The following MAK variants were observed in gnomAD, a reference collection of about 807,000 sequenced individuals.
MAK encodes the protein male germ cell associated kinase.
A neutral mutation model predicts 82.6 loss-of-function variants in MAK; 65 were observed. The observed-to-expected ratio is 0.79, with a 90% CI of 0.64 to 0.97. MAK has a LOEUF of 0.97. Among genes scored for constraint, MAK ranks in the 50% least tolerant of loss-of-function variants. The pLI is 0.00. For synonymous variants in MAK, 250 were observed against 274.2 expected, an observed-to-expected ratio of 0.91 and a Z score of 0.87; for missense variants, 703 against 780.2, an observed-to-expected ratio of 0.90 and a Z score of 1.18.
At chr6:10,795,962 A>T (rs771719424) in intron 9 of MAK, 36 bp downstream of exon 9, 26 of 1,599,356 alleles carry the variant, frequency 1.6e-5, no homozygotes, top group Non-Finnish European at 2.1e-5. Flanking sequence ...CACGAGTCAA[A>T]CTATTTCATT....
chr6:10,769,960 T>C (rs1216826543), intron 14 of MAK, 151 bp downstream of exon 14: 2 of 1,427,296 alleles, frequency 1.4e-6, no homozygotes, highest in African/African-American at 1.4e-5. Context: ...GGAAGAAAAA[T>C]AGGACATTTC....
intron 1 of MAK, among the ~76,000 whole-genome samples, chr6:10,835,912 G>A (rs1383656546): frequency 6.6e-6 from 1 of 152,182 alleles, no homozygotes; most frequent in South Asian, 2.1e-4. Context: ...ACCGCCCTGG[G>A]GTGGGAGGGT....
intron 10 of MAK, among the ~76,000 whole-genome samples, chr6:10,789,162 GAA>G (rs58231573): frequency 5.5e-4 from 44 of 80,016 alleles, no homozygotes; most frequent in Admixed American, 1.3e-3. Context: ...AAGCAAAAAA[GAA>G]AAAAAAAAAA....
intron 11 of MAK, among the ~76,000 whole-genome samples, chr6:10,781,238 T>G (rs1773941929): frequency 6.6e-6 from 1 of 152,164 alleles, no homozygotes; most frequent in Non-Finnish European, 1.5e-5. Context: ...GATTTCTCAT[T>G]CTGTGAGTGT....
chr6:10,782,580 T>C (rs1394846162), intron 11 of MAK, among the ~76,000 whole-genome samples: 1 of 144,132 alleles, frequency 6.9e-6, no homozygotes, highest in Non-Finnish European at 1.5e-5. Context: ...CAACTGGATT[T>C]TTTTTTTTTT....
At chr6:10,785,802 T>TA (rs1774485467) in intron 10 of MAK, among the ~76,000 whole-genome samples, 1 of 152,266 alleles carries the variant, frequency 6.6e-6, no homozygotes, top group Non-Finnish European at 1.5e-5. Flanking sequence ...TGTCATGTGT[T>TA]ATAGTCCTCT....
intron 10 of MAK, 34 bp from the exon 11 acceptor site, chr6:10,784,606 GAAC>G (rs765888182): frequency 9.9e-6 from 14 of 1,420,292 alleles, no homozygotes; most frequent in African/African-American, 6.0e-5. Flanking sequence ...ATTACAGCAC[GAAC>G]AACGAGAGGA....
chr6:10,804,709 CA>C (rs1472344718), intron 6 of MAK, among the ~76,000 whole-genome samples: 1 of 152,118 alleles, frequency 6.6e-6, no homozygotes, highest in African/African-American at 2.4e-5. Context: ...GAGTCCAACA[CA>C]AAGTCTGCTA....
intron 10 of MAK, chr6:10,785,031 G>A (rs1774415490): frequency 8.9e-6 from 4 of 449,980 alleles, no homozygotes; most frequent in East Asian, 7.0e-5. Context: ...ACAATTTCCC[G>A]TCACCCTAGT....
At chr6:10,768,287 T>C (rs1322293094) in intron 14 of MAK, among the ~76,000 whole-genome samples, 1 of 152,066 alleles carries the variant, frequency 6.6e-6, no homozygotes, top group African/African-American at 2.4e-5. Flanking sequence ...ATTAAAAATA[T>C]AAAATGTGGC....
intron 8 of MAK, among the ~76,000 whole-genome samples, chr6:10,798,825 T>TATTC: frequency 6.6e-6 from 1 of 151,138 alleles, no homozygotes; most frequent in East Asian, 1.9e-4. Context: ...TTTATTTATT[T>TATTC]ATTTATTTAT....
rs540110062 is a variant in MAK, at chr6:10,790,445, T to C, written c.1316+1230A>G. On this transcript the variant is annotated intron_variant, in intron 10 of 14. Coordinates refer to ENST00000354489, the MANE Select transcript of MAK (RefSeq NM_001242957.3). ...AAAAAAAGAAAGTATCTTTCCAAAA[T>C]ATTCACCAAAACTTAACCCATCCTA... 7.9e-5 allele frequency among the ~76,000 whole-genome samples: 12 copies of C among 152,128 alleles called. No individual in the cohort carries two copies. The South Asian group carries it at 1.5e-3, about 18-fold the overall frequency.
intron 2 of MAK, among the ~76,000 whole-genome samples, chr6:10,826,182 ACT>A (rs1461790571): frequency 6.7e-6 from 1 of 149,252 alleles, no homozygotes; most frequent in Non-Finnish European, 1.5e-5. Context: ...GCCCTCACAC[ACT>A]CTCTCTCGCC....
chr6:10,836,606 G>A (rs1417915239), intron 1 of MAK, among the ~76,000 whole-genome samples: 1 of 152,088 alleles, frequency 6.6e-6, no homozygotes, highest in Non-Finnish European at 1.5e-5. Flanking sequence ...TCCAGTTCAC[G>A]CACAATAATA....
intron 11 of MAK, among the ~76,000 whole-genome samples, chr6:10,783,847 C>T (rs548656847): frequency 9.2e-5 from 14 of 152,214 alleles, no homozygotes; most frequent in Admixed American, 7.2e-4. Context: ...GGTGAAACAC[C>T]ATCTCTACTA....
chr6:10,780,131 ACCACGACC>A lies in MAK; in HGVS notation c.1465+4285_1465+4292del, dbSNP rs1326725620. The A allele has an allele frequency of 7.0e-6, 3 of 429,428 alleles. No homozygotes were observed. In the East Asian group the frequency reaches 4.7e-4, roughly 68 times the overall value. The allele number at this position is 429,428 out of a possible 1,614,324, so 26.6% of individuals were successfully genotyped here. A position where few individuals can be genotyped will look rare whatever the true frequency, so the allele number is the denominator to read the frequency against. On this transcript the variant is annotated intron_variant, in intron 11 of 14. Transcript: ENST00000354489. ...CAGCTCCAGAGGGGTCATCTTCAAA[ACCACGACC>A]GCCAATAGGTGACAGTAAGGCTCAA...
intron 4 of MAK, among the ~76,000 whole-genome samples, chr6:10,814,411 A>AT (rs1198084936): frequency 6.6e-6 from 1 of 152,058 alleles, no homozygotes; most frequent in Non-Finnish European, 1.5e-5. Context: ...GCTAATGCCT[A>AT]TAATACCAGC....
Position 10,791,514 on chromosome 6 carries a change from G to A in MAK, c.1316+161C>T, listed in dbSNP as rs1421767023. Among the ~76,000 whole-genome samples, 5 of 152,162 alleles carry A rather than the reference G, an allele frequency of 3.3e-5. No individual in the cohort carries two copies. The East Asian group carries it at 5.8e-4, about 18-fold the overall frequency. On this transcript the variant is annotated intron_variant, in intron 10 of 14. Transcript: ENST00000354489. ...ACTCCTGGCCTCAAGTGATCAACCTGCCTCGGCCTCCCAAAGTGCTGGGAT... is the reference window on the plus strand; with the variant it reads ...ACTCCTGGCCTCAAGTGATCAACCTACCTCGGCCTCCCAAAGTGCTGGGAT...
chr6:10,828,415 C>T (rs1778540209), intron 2 of MAK, among the ~76,000 whole-genome samples: 1 of 152,064 alleles, frequency 6.6e-6, no homozygotes, highest in African/African-American at 2.4e-5. Context: ...ATATGCCAAC[C>T]CTGTGAGTGA....
Sources: gnomAD v4.1 joint callset for allele counts (sites outside exome capture counted in the v4.1 genomes callset) on GRCh38, gnomAD v4.1.1 for gene constraint, MANE v1.5 for transcripts, NCBI Gene and HGNC (gene_info 2026-07-23, HGNC 2026-07-21) for gene names.